The following MIPEP variants were observed in gnomAD, a reference collection of about 807,000 sequenced individuals.
MIPEP encodes mitochondrial intermediate peptidase.
Under a neutral mutation model 90.3 loss-of-function variants are expected in MIPEP, and 79 were observed. That is an observed-to-expected ratio of 0.87 (90% CI 0.73 to 1.05). MIPEP has a LOEUF of 1.05. Among genes scored for constraint, MIPEP ranks in the 50% least tolerant of loss-of-function variants. MIPEP has a pLI of 0.00. For synonymous variants in MIPEP, 334 were observed against 315.8 expected, an observed-to-expected ratio of 1.06 and a Z score of -0.61; for missense variants, 940 against 905.6, an observed-to-expected ratio of 1.04 and a Z score of -0.49.
At chr13:23,754,397 A>G (rs1189967399) in intron 18 of MIPEP, among the ~76,000 whole-genome samples, 1 of 152,246 alleles carries the variant, frequency 6.6e-6, no homozygotes, top group Non-Finnish European at 1.5e-5. Context: ...CAGCATTAAG[A>G]AAAATATTAA....
intron 10 of MIPEP, among the ~76,000 whole-genome samples, chr13:23,855,123 C>T (rs936256102): frequency 1.3e-5 from 2 of 151,880 alleles, no homozygotes; most frequent in Non-Finnish European, 2.9e-5. Flanking sequence ...ATTTTTTGAG[C>T]CATGTGAATG....
At chr13:23,827,006 G>C (rs1389103688) in intron 14 of MIPEP, among the ~76,000 whole-genome samples, 3 of 152,150 alleles carry the variant, frequency 2.0e-5, no homozygotes, top group Non-Finnish European at 4.4e-5. Flanking sequence ...ATTGTGTTAG[G>C]TATTATAAGT....
chr13:23,809,235 A>G (rs981809418), intron 15 of MIPEP, among the ~76,000 whole-genome samples: 2 of 152,214 alleles, frequency 1.3e-5, no homozygotes, highest in African/African-American at 4.8e-5. Context: ...ATGAATAAAC[A>G]TATGTATATA....
intron 5 of MIPEP, 101 bp from the exon 6 acceptor site, chr13:23,870,296 T>C (rs1344109405): frequency 4.8e-6 from 3 of 626,004 alleles, no homozygotes; most frequent in Non-Finnish European, 4.8e-6. Context: ...ATATATATTG[T>C]TGAATTATCA....
chr13:23,889,106 A>C, intron 1 of MIPEP, 26 bp downstream of exon 1: 1 of 1,390,548 alleles, frequency 7.2e-7, no homozygotes, highest in Non-Finnish European at 9.3e-7. Flanking sequence ...TCGGGGACTG[A>C]GGGGAGCTCC....
chr13:23,794,674 G>C (rs554381281), intron 16 of MIPEP, among the ~76,000 whole-genome samples: 1 of 152,188 alleles, frequency 6.6e-6, no homozygotes, highest in South Asian at 2.1e-4. Flanking sequence ...AAGAAAAAAA[G>C]GGCAGCATTA....
chr13:23,770,701 G>A (rs1206479236), intron 16 of MIPEP, among the ~76,000 whole-genome samples: 2 of 152,104 alleles, frequency 1.3e-5, no homozygotes, highest in African/African-American at 4.8e-5. Flanking sequence ...GACCGCCACT[G>A]CCCCCTCCCC....
rs895681641 is a variant in MIPEP, at chr13:23,870,073, A to G, written c.726T>C (p.Phe242=). 1.2e-6 allele frequency: 2 copies of G among 1,612,970 alleles called. No homozygotes were observed. The highest frequency in any genetic ancestry group is 1.7e-6 in the Non-Finnish European group (2 of 1,179,448). Residue 242 remains phenylalanine (F), a synonymous_variant, in exon 6 of 19, where the codon TTT becomes TTC. Transcript: ENST00000382172. ...HLLPEHIRRN[F]TSAGDHIIID... ...TTATGATATGATCCCCAGCAGATGT[A>G]AAGTTACGACGAATGTGTTCTGGTA...
intron 5 of MIPEP, among the ~76,000 whole-genome samples, chr13:23,874,281 G>T (rs998719640): frequency 6.6e-6 from 1 of 151,590 alleles, no homozygotes; most frequent in East Asian, 1.9e-4. Context: ...TTATGTGCTA[G>T]AAAGAACAGT....
chr13:23,736,738 G>C (rs73453364), intron 18 of MIPEP, among the ~76,000 whole-genome samples: 4,006 of 152,180 alleles, frequency 0.026, 207 homozygotes, highest in African/African-American at 0.092. Flanking sequence ...TCATCAGAGA[G>C]AACACCAGCC....
chr13:23,741,644 A>G (rs568711551), intron 18 of MIPEP, among the ~76,000 whole-genome samples: 1 of 152,238 alleles, frequency 6.6e-6, no homozygotes, highest in South Asian at 2.1e-4. Context: ...ACAGAGGGGA[A>G]CAACACACGC....
Position 23,881,164 on chromosome 13 carries a change from C to T in MIPEP, c.452+535G>A, listed in dbSNP as rs533244451. Among the ~76,000 whole-genome samples, 3 of 152,356 alleles carry T rather than the reference C, an allele frequency of 2.0e-5. No individual in the cohort carries two copies. In the East Asian group the frequency reaches 5.8e-4, roughly 29 times the overall value. On this transcript the variant is annotated intron_variant, in intron 3 of 18. Transcript: ENST00000382172. ...CCAGCCCTCCCACAGACTTTTACAG[C>T]CTCCCTAGACTCCCCTAATTCCAAC...
intron 18 of MIPEP, among the ~76,000 whole-genome samples, chr13:23,734,277 T>G (rs1391795756): frequency 4.6e-5 from 7 of 152,184 alleles, no homozygotes; most frequent in Admixed American, 4.6e-4. Context: ...TCTCTTTTCC[T>G]TCTTGCTTAT....
chr13:23,776,965 A>G (rs768420475), intron 16 of MIPEP, among the ~76,000 whole-genome samples: 1 of 152,232 alleles, frequency 6.6e-6, no homozygotes, highest in Non-Finnish European at 1.5e-5. Context: ...TCTGTACAAT[A>G]GATCATAATG....
chr13:23,886,952 T>C (rs1339449180), intron 1 of MIPEP, among the ~76,000 whole-genome samples: 1 of 152,158 alleles, frequency 6.6e-6, no homozygotes, highest in Non-Finnish European at 1.5e-5. Flanking sequence ...GAAATATTTT[T>C]TTCATCATGT....
chr13:23,761,391 T>G (rs955332094), intron 16 of MIPEP, among the ~76,000 whole-genome samples: 8 of 151,932 alleles, frequency 5.3e-5, no homozygotes, highest in African/African-American at 1.9e-4. Context: ...CGGGTGGAGG[T>G]GCACATCTGT....
At chr13:23,788,436 C>G (rs1227347883) in intron 16 of MIPEP, among the ~76,000 whole-genome samples, 1 of 152,208 alleles carries the variant, frequency 6.6e-6, no homozygotes, top group Non-Finnish European at 1.5e-5. Flanking sequence ...TTCTCAAGAC[C>G]TCCACCAACT....
chr13:23,809,959 C>T (rs897471008), intron 14 of MIPEP, 35 bp from the exon 15 acceptor site: 7 of 1,394,484 alleles, frequency 5.0e-6, no homozygotes, highest in Admixed American at 1.7e-5. Flanking sequence ...TGTGAGTAAA[C>T]TGCGTAATAA....
intron 16 of MIPEP, among the ~76,000 whole-genome samples, chr13:23,802,221 T>C (rs997626251): frequency 6.6e-6 from 1 of 152,206 alleles, no homozygotes; most frequent in Non-Finnish European, 1.5e-5. Flanking sequence ...ATTTAAGTTA[T>C]TTTACGTCAT....
Sources: allele counts gnomAD v4.1 joint callset (sites outside exome capture counted in the v4.1 genomes callset), GRCh38; gene constraint gnomAD v4.1.1; transcripts MANE v1.5; gene names NCBI Gene and HGNC (gene_info 2026-07-23, HGNC 2026-07-21).